AIM2: variants seen among roughly 807,000 people sequenced by gnomAD.
AIM2 encodes the protein interferon-inducible protein AIM2.
Under a neutral mutation model 27.7 loss-of-function variants are expected in AIM2, and 30 were observed. The ratio of observed to expected loss-of-function variants is 1.08; its 90% CI spans 0.81 to 1.47. AIM2 has a LOEUF of 1.47. AIM2 is among the 40% of genes most tolerant of loss of function. The probability of loss-of-function intolerance (pLI) is 0.00; values close to 1 mark genes in which losing one functional copy is unlikely to be tolerated. For synonymous variants in AIM2, 141 were observed against 145.3 expected (o/e 0.97, Z 0.21); for missense variants, 358 against 411.3 (o/e 0.87, Z 1.12).
chr1:159,084,841 G>C (rs1208922908), intron 1 of AIM2, among the ~76,000 whole-genome samples: 2 of 140,860 alleles, frequency 1.4e-5, no homozygotes, highest in East Asian at 4.2e-4. Flanking sequence ...ACATCCCTCA[G>C]AGATCACTGG....
At chr1:159,091,836 C>T (rs1258725128) in intron 1 of AIM2, among the ~76,000 whole-genome samples, 1 of 152,180 alleles carries the variant, frequency 6.6e-6, no homozygotes, top group African/African-American at 2.4e-5. Context: ...AATGTGGATG[C>T]TTAAACTGCT....
chr1:159,117,267 CA>C (rs1647383233), intron 1 of AIM2, among the ~76,000 whole-genome samples: 3 of 151,994 alleles, frequency 2.0e-5, no homozygotes, highest in Admixed American at 2.0e-4. Context: ...CAAGAATCGA[CA>C]AAAAGTTCAC....
chr1:159,078,504 CCAA>C (rs1361563328), upstream of AIM2, among the ~76,000 whole-genome samples: 1 of 152,138 alleles, frequency 6.6e-6, no homozygotes, highest in Admixed American at 6.5e-5. Flanking sequence ...GAGGAAGAAC[CCAA>C]CAAGCACCAA....
At chr1:159,088,337 G>A (rs1296747411) in intron 1 of AIM2, among the ~76,000 whole-genome samples, 4 of 152,142 alleles carry the variant, frequency 2.6e-5, no homozygotes, top group African/African-American at 7.2e-5. Context: ...TGAGAGGAAG[G>A]AATGCCAGGA....
chr1:159,102,839 A>G (rs1228411892), intron 1 of AIM2, among the ~76,000 whole-genome samples: 4 of 152,218 alleles, frequency 2.6e-5, no homozygotes, highest in African/African-American at 9.6e-5. Flanking sequence ...TTGGTTTTAC[A>G]GGCTCACAGG....
chr1:159,083,675 C>G (rs1656834384), intron 1 of AIM2, among the ~76,000 whole-genome samples: 1 of 152,160 alleles, frequency 6.6e-6, no homozygotes, highest in Admixed American at 6.5e-5. Flanking sequence ...ATATTCTATA[C>G]TATCCTAAGG....
At position 159,076,625 on chromosome 1, in the gene AIM2, G is replaced by A. The variant is rs545240324; in HGVS notation, c.-21+8C>T. 2 of 152,246 alleles carry A rather than the reference G, an allele frequency of 1.3e-5. No homozygotes were observed. The highest frequency in any genetic ancestry group is 3.9e-4 in the East Asian group (2 of 5,168). 9.4% of individuals were successfully genotyped at this position (152,246 alleles called of 1,614,324 possible). A position where few individuals can be genotyped will look rare whatever the true frequency, so the allele number is the denominator to read the frequency against. ...TCGTCTCTAACCCAGCTCCTCTATGGTGCTTACCTCCTGATCCCTGGGGCG... is the reference window on the plus strand; with the variant it reads ...TCGTCTCTAACCCAGCTCCTCTATGATGCTTACCTCCTGATCCCTGGGGCG... On this transcript the variant is annotated splice_region_variant and intron_variant, in intron 1 of 5. Coordinates refer to ENST00000368130, the MANE Select transcript of AIM2 (RefSeq NM_004833.3).
upstream of AIM2, among the ~76,000 whole-genome samples, chr1:159,144,399 T>C (rs937117903): frequency 6.6e-6 from 1 of 152,176 alleles, no homozygotes; most frequent in African/African-American, 2.4e-5. Flanking sequence ...TGCTTTATCA[T>C]CCATAAAACA....
intron 2 of AIM2, among the ~76,000 whole-genome samples, 166 bp downstream of exon 2, chr1:159,073,072 T>G (rs1262216058): frequency 1.3e-5 from 2 of 152,218 alleles, no homozygotes; most frequent in Non-Finnish European, 2.9e-5. Context: ...AACAAACACT[T>G]CCTAGAAGCG....
chr1:159,082,265 T>C (rs1000198813), intron 1 of AIM2, among the ~76,000 whole-genome samples: 3 of 152,216 alleles, frequency 2.0e-5, no homozygotes, highest in East Asian at 1.9e-4. Flanking sequence ...AATAATCACA[T>C]GTACATGTAA....
chr1:159,114,977 C>T (rs376558462), intron 1 of AIM2, among the ~76,000 whole-genome samples: 1,733 of 152,224 alleles, frequency 0.011, 35 homozygotes, highest in African/African-American at 0.039. Flanking sequence ...TAGGCAACTT[C>T]AGCAAAGTCT....
upstream of AIM2, among the ~76,000 whole-genome samples, chr1:159,080,972 CA>C (rs1656762703): frequency 6.6e-6 from 1 of 152,016 alleles, no homozygotes; most frequent in Non-Finnish European, 1.5e-5. Context: ...CATTTGTTCA[CA>C]AAATACATAA....
intron 1 of AIM2, among the ~76,000 whole-genome samples, chr1:159,106,919 T>C (rs1657462026): frequency 6.6e-6 from 1 of 152,224 alleles, no homozygotes; most frequent in Admixed American, 6.5e-5. Context: ...GTCTGTAAAC[T>C]ACATAGTACT....
At chr1:159,135,656 T>C (rs1469517195) in intron 1 of AIM2, among the ~76,000 whole-genome samples, 1 of 152,216 alleles carries the variant, frequency 6.6e-6, no homozygotes, top group Non-Finnish European at 1.5e-5. Context: ...CTCAAAATAA[T>C]ATAACTTGTT....
rs541925350 is a variant in AIM2 at position 159,063,803 on chromosome 1, C to T, written c.817-129G>A. ...TGATTCTTGAACAACACAGATTTTA[C>T]CTGTGCAGGTCCATTTATATGGGAA... On this transcript the variant is annotated intron_variant, in intron 4 of 5. Coordinates refer to ENST00000368130, the MANE Select transcript of AIM2 (RefSeq NM_004833.3). 9.1e-6 allele frequency: 9 copies of T among 990,174 alleles called. No individual in the cohort carries two copies. The South Asian group carries it at 1.2e-4, about 13-fold the overall frequency. 61.3% of individuals were successfully genotyped at this position (990,174 alleles called of 1,614,324 possible).
chr1:159,117,098 C>T lies in AIM2; in HGVS notation c.-16+23333G>A, dbSNP rs1339040654. Among the ~76,000 whole-genome samples, 4 of 152,032 alleles carry T rather than the reference C, an allele frequency of 2.6e-5. No individual in the cohort carries two copies. The East Asian group carries it at 7.7e-4, about 29-fold the overall frequency. On this transcript the variant is annotated intron_variant, in intron 1 of 2. Coordinates refer to the AIM2 transcript ENST00000368129. Reference sequence around the variant, plus strand: ...AGAAAATGGCAATAGCTTGTATGGACTGTAGTTAGCAGAAATATAGCTGTC... The same window carrying T: ...AGAAAATGGCAATAGCTTGTATGGATTGTAGTTAGCAGAAATATAGCTGTC...
intron 1 of AIM2, among the ~76,000 whole-genome samples, chr1:159,110,361 A>C (rs1190362850): frequency 6.6e-6 from 1 of 152,210 alleles, no homozygotes; most frequent in Non-Finnish European, 1.5e-5. Context: ...TTTTGAGAAA[A>C]AAATCTGAGC....
At position 159,066,056 on chromosome 1, in the gene AIM2, C is replaced by T. The variant is rs1452745048; in HGVS notation, c.670G>A (p.Ala224Thr). The change falls in exon 4 of 6, where the codon GCC becomes ACC. Residue 224 changes from alanine to threonine, a missense_variant. By Grantham distance (58) the Ala-to-Thr change is moderately conservative (BLOSUM62 0). Coordinates refer to ENST00000368130, the MANE Select transcript of AIM2 (RefSeq NM_004833.3). ...RHSGFLEVNS[A>T]SRVLDAESDQ... ...GATTCAGCATCTAACACACGTGAGGCGCTATTTACCTCTAAGAAACCACTG... is the reference window on the plus strand; with the variant it reads ...GATTCAGCATCTAACACACGTGAGGTGCTATTTACCTCTAAGAAACCACTG... 14 of 1,613,944 alleles carry T rather than the reference C, an allele frequency of 8.7e-6. No individual in the cohort carries two copies. The highest frequency in any genetic ancestry group is 4.5e-5 in the East Asian group (2 of 44,898).
At chr1:159,097,697 T>C (rs546828436) in intron 1 of AIM2, among the ~76,000 whole-genome samples, 42 of 152,298 alleles carry the variant, frequency 2.8e-4, no homozygotes, top group South Asian at 1.2e-3. Flanking sequence ...ATGGAGATAA[T>C]AGTAGTACCT....
Sources: gnomAD v4.1 joint callset for allele counts (sites outside exome capture counted in the v4.1 genomes callset) on GRCh38, gnomAD v4.1.1 for gene constraint, MANE v1.5 for transcripts, NCBI Gene and HGNC (gene_info 2026-07-23, HGNC 2026-07-21) for gene names.